Variants in TMEM37 observed in about 807,000 individuals in gnomAD.
TMEM37 encodes the protein transmembrane protein 37.
Under a neutral mutation model 11.0 loss-of-function variants are expected in TMEM37, and 12 were observed. The ratio of observed to expected loss-of-function variants is 1.09; its 90% CI spans 0.70 to 1.76. The LOEUF is 1.76. TMEM37 is among the 40% of genes most tolerant of loss of function. TMEM37 has a pLI of 0.00. For missense variants in TMEM37, 203 were observed against 251.2 expected (o/e 0.81, Z 1.30); for synonymous variants, 127 against 110.5 (o/e 1.15, Z -0.94).
Position 119,437,218 on chromosome 2 carries a change from C to T in TMEM37, c.351C>T (p.Asp117=). 1.2e-6 allele frequency: 2 copies of T among 1,614,258 alleles called. No homozygotes were observed. Among genetic ancestry groups the T allele is most frequent in the Non-Finnish European group, 1.7e-6 (2 of 1,180,046 alleles). ...EFLMVSQLCE[D]KHSQCKWVMG... Reference sequence around the variant, plus strand: ...TCATGGTGTCCCAGTTGTGCGAGGACAAACACTCACAGTGCAAGTGGGTCA... The same window carrying T: ...TCATGGTGTCCCAGTTGTGCGAGGATAAACACTCACAGTGCAAGTGGGTCA... Residue 117 remains aspartate, a synonymous_variant, in exon 2 of 2, where the codon GAC becomes GAT. Coordinates refer to ENST00000306406, the MANE Select transcript of TMEM37 (RefSeq NM_183240.3).
upstream of TMEM37, chr2:119,430,353 ACT>A (rs1334041235): frequency 2.0e-6 from 1 of 496,364 alleles, no homozygotes; most frequent in South Asian, 1.5e-5. Flanking sequence ...CTTCCAGGTG[ACT>A]CTGGTGCAGA....
upstream of TMEM37, chr2:119,431,846 G>T: frequency 3.3e-6 from 4 of 1,229,762 alleles, no homozygotes; most frequent in Non-Finnish European, 4.1e-6. Context: ...GCTGGCGCCG[G>T]CGGCCACAGC....
At chr2:119,431,957 G>A (rs1682407465) in intron 1 of TMEM37, 33 bp downstream of exon 1, 1 of 1,211,334 alleles carries the variant, frequency 8.3e-7, no homozygotes. Flanking sequence ...CTGACCCGGG[G>A]TGCTGCCCCG....
At chr2:119,436,606 AG>A (rs1682500215) in intron 1 of TMEM37, among the ~76,000 whole-genome samples, 2 of 152,152 alleles carry the variant, frequency 1.3e-5, no homozygotes, top group African/African-American at 2.4e-5. Context: ...CAGATTTGCC[AG>A]TCGGTTTGGA....
chr2:119,430,184 A>G (rs1220809783), upstream of TMEM37: 1 of 640,240 alleles, frequency 1.6e-6, no homozygotes, highest in Non-Finnish European at 2.9e-6. Flanking sequence ...GGAAGGCCCC[A>G]GAGCAGAGAG....
upstream of TMEM37, among the ~76,000 whole-genome samples, chr2:119,431,431 G>A (rs986104798): frequency 1.3e-5 from 2 of 152,302 alleles, no homozygotes; most frequent in Middle Eastern, 3.4e-3. Context: ...GCAGAGTGAG[G>A]GCAGCAGAGC....
intron 1 of TMEM37, among the ~76,000 whole-genome samples, chr2:119,436,376 G>A (rs1573766504): frequency 4.6e-5 from 7 of 152,176 alleles, no homozygotes; most frequent in South Asian, 2.1e-4. Flanking sequence ...GACAGCTCCC[G>A]AATCATCAGG....
At chr2:119,435,034 C>T (rs866973514) in intron 1 of TMEM37, among the ~76,000 whole-genome samples, 18 of 152,336 alleles carry the variant, frequency 1.2e-4, no homozygotes, top group Middle Eastern at 6.8e-3. Context: ...CTTCATTGTG[C>T]TTTAGGTGAG....
intron 1 of TMEM37, 93 bp downstream of exon 1, chr2:119,432,017 G>A: frequency 1.0e-5 from 9 of 895,552 alleles, no homozygotes; most frequent in Non-Finnish European, 1.3e-5. Context: ...TACCCACCGC[G>A]AGCGCCGGCG....
At chr2:119,430,804 C>T (rs1489386655), upstream of TMEM37, among the ~76,000 whole-genome samples, 1 of 152,196 alleles carries the variant, frequency 6.6e-6, no homozygotes, top group Non-Finnish European at 1.5e-5. Context: ...CACCTCCACC[C>T]TTTTTGGCGG....
chr2:119,432,548 T>C (rs970427691), intron 1 of TMEM37, among the ~76,000 whole-genome samples: 1 of 152,160 alleles, frequency 6.6e-6, no homozygotes, highest in African/African-American at 2.4e-5. Flanking sequence ...GATGTTTATG[T>C]TGGCTAAGAA....
intron 1 of TMEM37, 53 bp downstream of exon 1, chr2:119,431,977 G>T (rs1682407977): frequency 2.0e-5 from 22 of 1,074,464 alleles, no homozygotes; most frequent in Non-Finnish European, 2.4e-5. Context: ...GCCGTGGGAG[G>T]TTGGGGGTGG....
chr2:119,437,829 C>A lies in TMEM37; in HGVS notation c.*389C>A, dbSNP rs368599836. 1.4e-5 allele frequency: 3 copies of A among 206,936 alleles called. No individual in the cohort carries two copies. The highest frequency in any genetic ancestry group is 2.9e-5 in the Non-Finnish European group (3 of 104,214). 12.8% of individuals were successfully genotyped at this position (206,936 alleles called of 1,614,324 possible). A position where few individuals can be genotyped will look rare whatever the true frequency, so the allele number is the denominator to read the frequency against. On this transcript the variant is annotated 3_prime_UTR_variant, in exon 2 of 2. Transcript: ENST00000306406. The stretch of plus-strand genomic sequence containing the variant: ...GGATAGTTCATGCCTGTTTCATTGA[C>A]ACGTGCTGGGATAGGGGCTGCAGAA...
chr2:119,429,937 C>G (rs1459019769), upstream of TMEM37: 1 of 1,550,530 alleles, frequency 6.4e-7, no homozygotes, highest in South Asian at 1.2e-5. Flanking sequence ...ATGACCCGAC[C>G]TGACTGTTCT....
At position 119,436,869 on chromosome 2, in the gene TMEM37, CT is replaced by C. The variant is rs940855712; in HGVS notation, c.22-18del. ...TGGCAGGGCTGTGGCTGACAGGGTG[CT>C]TCCTACGGTTTTTTCCAGGCCCAGA... On this transcript the variant is annotated intron_variant, in intron 1 of 1. Transcript: ENST00000306406. The C allele has an allele frequency of 5.0e-6, 8 of 1,596,154 alleles. No individual in the cohort carries two copies. The highest frequency in any genetic ancestry group is 1.7e-5 in the Admixed American group (1 of 58,556).
upstream of TMEM37, chr2:119,431,844 C>T (rs1682401520): frequency 5.7e-6 from 7 of 1,228,710 alleles, no homozygotes; most frequent in Non-Finnish European, 7.1e-6. Context: ...GGGCTGGCGC[C>T]GGCGGCCACA....
Position 119,436,869 on chromosome 2 carries a change from C to A in TMEM37, c.22-20C>A. On this transcript the variant is annotated intron_variant, in intron 1 of 1. Transcript: ENST00000306406. ...TGGCAGGGCTGTGGCTGACAGGGTGCTTCCTACGGTTTTTTCCAGGCCCAG... is the reference window on the plus strand; with the variant it reads ...TGGCAGGGCTGTGGCTGACAGGGTGATTCCTACGGTTTTTTCCAGGCCCAG... 1 of 1,596,154 alleles carries A rather than the reference C, an allele frequency of 6.3e-7. No homozygotes were observed. Among genetic ancestry groups the A allele is most frequent in the Non-Finnish European group, 8.5e-7 (1 of 1,170,174 alleles).
intron 1 of TMEM37, among the ~76,000 whole-genome samples, chr2:119,435,706 A>G (rs192959517): frequency 1.3e-5 from 2 of 152,166 alleles, no homozygotes; most frequent in African/African-American, 4.8e-5. Context: ...CAGTGTTGGA[A>G]TGAGACAGAA....
At chr2:119,433,330 C>T (rs1573763931) in intron 1 of TMEM37, among the ~76,000 whole-genome samples, 2 of 152,222 alleles carry the variant, frequency 1.3e-5, no homozygotes, top group Non-Finnish European at 2.9e-5. Flanking sequence ...CTGGGTCATG[C>T]AGGCAGCGGT....
Sources: allele counts gnomAD v4.1 joint callset (sites outside exome capture counted in the v4.1 genomes callset), GRCh38; gene constraint gnomAD v4.1.1; transcripts MANE v1.5; gene names NCBI Gene and HGNC (gene_info 2026-07-23, HGNC 2026-07-21).